Variants in FMN2 observed in about 807,000 individuals in gnomAD.
FMN2 encodes the protein formin 2.
In FMN2, 51 loss-of-function variants were observed where a neutral mutation model predicts 142.3. The observed-to-expected ratio is 0.36, with a 90% CI of 0.29 to 0.45. The LOEUF (loss-of-function observed/expected upper bound fraction) is 0.45. Ranked by LOEUF, FMN2 falls within the 20% of genes least tolerant of loss-of-function variation. The pLI is 1.00. For synonymous variants in FMN2, 882 were observed against 869.8 expected (o/e 1.01, Z -0.25); for missense variants, 1,936 against 2,122.8 (o/e 0.91, Z 1.73).
At chr1:240,323,738 C>T (rs1351113651) in intron 8 of FMN2, among the ~76,000 whole-genome samples, 1 of 152,196 alleles carries the variant, frequency 6.6e-6, no homozygotes, top group Non-Finnish European at 1.5e-5. Context: ...TCTTCTCTCA[C>T]ATCTCTGCTG....
chr1:240,426,486 A>C (rs183710652), intron 15 of FMN2, among the ~76,000 whole-genome samples: 247 of 152,298 alleles, frequency 1.6e-3, no homozygotes, highest in Non-Finnish European at 2.1e-3. Context: ...GTGTATATGC[A>C]CTTGTGATTT....
chr1:240,375,199 A>T (rs1251071991), intron 14 of FMN2, among the ~76,000 whole-genome samples: 1 of 152,142 alleles, frequency 6.6e-6, no homozygotes, highest in Non-Finnish European at 1.5e-5. Context: ...TACATCAAAG[A>T]TCACTGATCA....
chr1:240,149,839 T>C (rs943637538), intron 2 of FMN2, among the ~76,000 whole-genome samples: 3 of 152,194 alleles, frequency 2.0e-5, no homozygotes, highest in Non-Finnish European at 2.9e-5. Flanking sequence ...AAAAATTCTT[T>C]GAGGTAAATT....
At chr1:240,355,951 CAAAAAAAA>C (rs58002724) in intron 14 of FMN2, 43 bp downstream of exon 14, 299 of 252,796 alleles carry the variant, frequency 1.2e-3, no homozygotes, top group African/African-American at 3.5e-3. Context: ...CCCCTTTCAG[CAAAAAAAA>C]AAAAAAAAAA....
At chr1:240,416,197 T>TC (rs1294802297) in intron 15 of FMN2, among the ~76,000 whole-genome samples, 14 of 152,002 alleles carry the variant, frequency 9.2e-5, no homozygotes, top group African/African-American at 3.4e-4. Context: ...TACTTTATTA[T>TC]CATAAAATAA....
intron 16 of FMN2, among the ~76,000 whole-genome samples, chr1:240,450,692 G>A (rs554556705): frequency 1.4e-3 from 217 of 152,268 alleles, no homozygotes; most frequent in African/African-American, 4.6e-3. Flanking sequence ...ATGTGGCTCC[G>A]TAGCTCATTG....
At position 240,092,328 on chromosome 1, in the gene FMN2, G is replaced by A; in HGVS notation, c.219G>A (p.Ser73=). The A allele has an allele frequency of 6.2e-7, 1 of 1,607,654 alleles. No individual in the cohort carries two copies. Among genetic ancestry groups the A allele is most frequent in the South Asian group, 1.1e-5 (1 of 90,502 alleles). Residue 73 remains serine (S), a synonymous_variant, in exon 1 of 18, where the codon TCG becomes TCA. Transcript: ENST00000319653. ...AGAGCAAGTCCGACTCCAGAGCCTCGGTGTTTTCCAACCTGCGGATCAGGA... is the reference window on the plus strand; with the variant it reads ...AGAGCAAGTCCGACTCCAGAGCCTCAGTGTTTTCCAACCTGCGGATCAGGA... ...KKKSKSDSRA[S]VFSNLRIRKN...
intron 11 of FMN2, among the ~76,000 whole-genome samples, chr1:240,332,716 CAA>C (rs1267414999): frequency 6.6e-6 from 1 of 152,112 alleles, no homozygotes; most frequent in African/African-American, 2.4e-5. Context: ...AAGAGCTATA[CAA>C]AGTCTTCCTG....
chr1:240,414,032 G>A (rs1244826847), intron 15 of FMN2, among the ~76,000 whole-genome samples: 6 of 152,188 alleles, frequency 3.9e-5, no homozygotes, highest in Non-Finnish European at 5.9e-5. Context: ...TTTTTAAAAT[G>A]CCAAATAGTA....
chr1:240,147,005 A>G (rs1423322935), intron 2 of FMN2, among the ~76,000 whole-genome samples: 1 of 152,210 alleles, frequency 6.6e-6, no homozygotes, highest in African/African-American at 2.4e-5. Flanking sequence ...TGGTGAATGC[A>G]GATTAATGAA....
At position 240,098,097 on chromosome 1, in the gene FMN2, A is replaced by ATTTT. The variant is rs35191164; in HGVS notation, c.1615+4391_1615+4394dup. On this transcript the variant is annotated intron_variant, in intron 1 of 17. Transcript: ENST00000319653. Reference sequence around the variant, plus strand: ...TTGGCCTTTCTAAAGGTTATCTTGAATTTTTTTTTTTTTTTTTTTTTGGAG... The same window carrying ATTTT: ...TTGGCCTTTCTAAAGGTTATCTTGAATTTTTTTTTTTTTTTTTTTTTTTTTGGAG... Among the ~76,000 whole-genome samples the ATTTT allele has an allele frequency of 1.6e-3, 160 of 98,654 alleles. 10 individuals carry two copies. Among genetic ancestry groups the ATTTT allele is most frequent in the African/African-American group, 5.3e-3 (115 of 21,846 alleles). 64.7% of individuals were successfully genotyped at this position (98,654 alleles called of 152,430 possible).
intron 2 of FMN2, among the ~76,000 whole-genome samples, chr1:240,163,450 ACT>A (rs1664360160): frequency 6.6e-6 from 1 of 151,786 alleles, no homozygotes; most frequent in Non-Finnish European, 1.5e-5. Flanking sequence ...TCAATAGAAG[ACT>A]CTCACTTTGT....
chr1:240,240,809 A>G (rs1409802969), intron 6 of FMN2, among the ~76,000 whole-genome samples: 1 of 152,240 alleles, frequency 6.6e-6, no homozygotes, highest in Non-Finnish European at 1.5e-5. Flanking sequence ...GTATGCAACC[A>G]GATAGGTGAA....
intron 14 of FMN2, among the ~76,000 whole-genome samples, chr1:240,357,113 A>G (rs1188708901): frequency 6.6e-6 from 1 of 152,216 alleles, no homozygotes; most frequent in Non-Finnish European, 1.5e-5. Flanking sequence ...GGGGTTGTGG[A>G]ATCAAGAATA....
intron 1 of FMN2, among the ~76,000 whole-genome samples, chr1:240,098,673 A>G (rs1036168808): frequency 1.3e-5 from 2 of 152,202 alleles, no homozygotes; most frequent in East Asian, 1.9e-4. Context: ...TTGGCGATGT[A>G]AGCGGGGACC....
chr1:240,381,460 C>T (rs895522915), intron 14 of FMN2, among the ~76,000 whole-genome samples: 12 of 152,092 alleles, frequency 7.9e-5, no homozygotes, highest in Admixed American at 2.0e-4. Context: ...GACAGATTCT[C>T]GCTCTGTCAC....
At chr1:240,367,078 AG>A (rs926632871) in intron 14 of FMN2, among the ~76,000 whole-genome samples, 9 of 152,188 alleles carry the variant, frequency 5.9e-5, no homozygotes, top group Non-Finnish European at 1.3e-4. Context: ...AATCCTTACC[AG>A]CACCGAGTTC....
Position 240,207,336 on chromosome 1 carries a change from G to A in FMN2, c.2524G>A (p.Glu842Lys), listed in dbSNP as rs752547483. The A allele has an allele frequency of 2.9e-5, 47 of 1,613,574 alleles. No individual in the cohort carries two copies. Among genetic ancestry groups the A allele is most frequent in the Non-Finnish European group, 3.5e-5 (41 of 1,179,836 alleles). The change falls in exon 5 of 18, where the codon GAA becomes AAA. Residue 842 changes from glutamate to lysine, a missense_variant. Glu to Lys is a moderately conservative substitution (Grantham distance 56, BLOSUM62 1). Coordinates refer to ENST00000319653, the MANE Select transcript of FMN2 (RefSeq NM_020066.5). ...TTCTACCGAGTTTCAAACCAGCCAC[G>A]AACACTCTGTTTCCTCTGCCTTTAA... is the stretch of plus-strand genomic sequence containing the variant. ...SISTEFQTSH[E>K]HSVSSAFKNS...
intron 3 of FMN2, among the ~76,000 whole-genome samples, chr1:240,181,967 A>G (rs893397832): frequency 3.3e-5 from 5 of 152,200 alleles, no homozygotes; most frequent in Non-Finnish European, 7.3e-5. Flanking sequence ...CTGTTTATAC[A>G]TATACATGTC....
Sources: gnomAD v4.1 joint callset for allele counts (sites outside exome capture counted in the v4.1 genomes callset) on GRCh38, gnomAD v4.1.1 for gene constraint, MANE v1.5 for transcripts, NCBI Gene and HGNC (gene_info 2026-07-23, HGNC 2026-07-21) for gene names.